Variants in TPST2 observed in about 807,000 individuals in gnomAD.
TPST2 encodes the protein protein-tyrosine sulfotransferase 2.
A neutral mutation model predicts 27.8 loss-of-function variants in TPST2; 16 were observed. That is an observed-to-expected ratio of 0.58 (90% CI 0.39 to 0.88). The LOEUF is 0.88. Among genes scored for constraint, TPST2 ranks in the 40% least tolerant of loss-of-function variants. The pLI is 0.00. For missense variants in TPST2, 464 were observed against 543.1 expected, an observed-to-expected ratio of 0.85 and a Z score of 1.45; for synonymous variants, 229 against 231.7, an observed-to-expected ratio of 0.99 and a Z score of 0.10.
chr22:26,560,870 A>T (rs1463738169), intron 1 of TPST2: 2 of 1,595,006 alleles, frequency 1.3e-6, no homozygotes, highest in African/African-American at 2.7e-5. Context: ...AAATCAAAGG[A>T]GAACATCCTG....
intron 1 of TPST2, among the ~76,000 whole-genome samples, chr22:26,581,330 T>C (rs1928103608): frequency 6.6e-6 from 1 of 152,128 alleles, no homozygotes; most frequent in Admixed American, 6.6e-5. Context: ...CCATGGAATG[T>C]GCAGGGCTGG....
intron 1 of TPST2, among the ~76,000 whole-genome samples, chr22:26,583,581 C>A (rs1001632784): frequency 6.6e-6 from 1 of 150,710 alleles, no homozygotes; most frequent in African/African-American, 2.4e-5. Flanking sequence ...TTGTGCCATG[C>A]GCGATGGCTC....
chr22:26,536,248 C>T (rs1185847712), intron 4 of TPST2, 40 bp downstream of exon 4: 2 of 1,610,602 alleles, frequency 1.2e-6, no homozygotes, highest in South Asian at 1.1e-5. Context: ...AGCCCCATAT[C>T]CCCAAGAGTA....
At chr22:26,561,214 T>A in intron 1 of TPST2, 1 of 1,526,920 alleles carries the variant, frequency 6.5e-7, no homozygotes, top group East Asian at 2.3e-5. Context: ...TTAACCCCCC[T>A]GTACACAACT....
intron 1 of TPST2, among the ~76,000 whole-genome samples, chr22:26,548,226 C>A (rs1283611643): frequency 6.6e-6 from 1 of 152,072 alleles, no homozygotes; most frequent in African/African-American, 2.4e-5. Context: ...CCTGTAATCC[C>A]AGCACTTTGG....
intron 1 of TPST2, among the ~76,000 whole-genome samples, chr22:26,557,205 G>A (rs974288262): frequency 1.3e-5 from 2 of 152,234 alleles, no homozygotes; most frequent in African/African-American, 4.8e-5. Flanking sequence ...CAGAGGCACT[G>A]TACACATGGC....
chr22:26,539,770 A>AAAAAAC (rs1358704019), intron 3 of TPST2, among the ~76,000 whole-genome samples: 2 of 151,372 alleles, frequency 1.3e-5, no homozygotes, highest in Non-Finnish European at 2.9e-5. Flanking sequence ...CCCTGTCTCA[A>AAAAAAC]AAAAACAAAA....
At chr22:26,566,327 C>T (rs915391424) in intron 1 of TPST2, among the ~76,000 whole-genome samples, 6 of 152,078 alleles carry the variant, frequency 3.9e-5, no homozygotes, top group African/African-American at 9.6e-5. Context: ...CCGAGGAAGG[C>T]GGATCACAAG....
intron 1 of TPST2, chr22:26,555,250 G>A (rs1232286343): frequency 5.6e-6 from 3 of 531,558 alleles, no homozygotes; most frequent in African/African-American, 1.9e-5. Flanking sequence ...CAAAAGTAAT[G>A]CAGTTTTTGC....
intron 3 of TPST2, among the ~76,000 whole-genome samples, chr22:26,539,016 G>A (rs373172343): frequency 2.0e-4 from 30 of 152,218 alleles, no homozygotes; most frequent in East Asian, 3.8e-4. Flanking sequence ...TTGTTTCTCC[G>A]TTCTTCTTTG....
rs757322412 is a variant in TPST2 at position 26,541,532 on chromosome 22, C to T, written c.99G>A (p.Ala33=). 3.9e-5 allele frequency: 63 copies of T among 1,611,714 alleles called. No individual in the cohort carries two copies. In the Admixed American group the frequency reaches 8.5e-4, roughly 22 times the overall value. ...QLGQQVLECR[A]VLAGLRSPRG... is the part of the protein sequence containing the mutation. ...GGGGGCTCCGCAGGCCCGCCAGCACCGCCCGGCACTCTAGCACCTGCTGTC... is the reference window on the plus strand; with the variant it reads ...GGGGGCTCCGCAGGCCCGCCAGCACTGCCCGGCACTCTAGCACCTGCTGTC... Residue 33 remains alanine, a synonymous_variant, in exon 3 of 7, where the codon GCG becomes GCA. Coordinates refer to ENST00000338754, the MANE Select transcript of TPST2 (RefSeq NM_003595.5). The surrounding 1 kb of genome is among the most constrained non-coding windows in gnomAD (Gnocchi z 5.9).
In TPST2 at chr22:26,577,842, A is replaced by C. The variant is rs185886419; in HGVS notation, c.-161+12211T>G. ...CCTGGCTAATTTTTGTATTTTTAGT[A>C]GAAATGGGGTTTCACCATGTTGGCC... is the stretch of plus-strand genomic sequence containing the variant. On this transcript the variant is annotated intron_variant, in intron 1 of 6. Transcript: ENST00000338754. Among the ~76,000 whole-genome samples the C allele has an allele frequency of 1.5e-3, 228 of 151,332 alleles. 1 individual carries two copies. The highest frequency in any genetic ancestry group is 5.3e-3 in the African/African-American group (219 of 41,200).
rs1470559895 is a variant in TPST2, at chr22:26,540,955, T to A, written c.676A>T (p.Met226Leu). 1 of 1,614,194 alleles carries A rather than the reference T, an allele frequency of 6.2e-7. No homozygotes were observed. Among genetic ancestry groups the A allele is most frequent in the East Asian group, 2.2e-5 (1 of 44,880 alleles). The change falls in exon 3 of 7, where the codon ATG becomes TTG. Residue 226 changes from methionine to leucine, a missense_variant. Transcript: ENST00000338754. ...AGGCACTTCTCCTTGCCTACCTCCA[T>A]GCACTGGGCGTACATCACCTCGATG... ...KAIEVMYAQC[M>L]EVGKEKCLPV...
intron 1 of TPST2, among the ~76,000 whole-genome samples, chr22:26,558,177 C>T (rs569447678): frequency 1.5e-3 from 218 of 147,180 alleles, no homozygotes; most frequent in Non-Finnish European, 2.4e-3. Flanking sequence ...ATATATATGT[C>T]GCCCAGGCTG....
intron 4 of TPST2, 49 bp downstream of exon 4, chr22:26,536,239 G>C (rs377318302): frequency 1.9e-6 from 3 of 1,599,656 alleles, no homozygotes; most frequent in Non-Finnish European, 1.7e-6. Context: ...ATCTGCAGAA[G>C]CCCCATATCC....
chr22:26,572,775 T>G (rs1179892179), intron 1 of TPST2, among the ~76,000 whole-genome samples: 3 of 151,986 alleles, frequency 2.0e-5, no homozygotes, highest in African/African-American at 7.3e-5. Flanking sequence ...GTCTGGTGGG[T>G]TTTTTTTCTT....
rs768845337 is a variant in TPST2 at position 26,541,632 on chromosome 22, C to T, written c.-2G>A. The T allele has an allele frequency of 1.1e-5, 17 of 1,564,844 alleles. No homozygotes were observed. The highest frequency in any genetic ancestry group is 1.4e-5 in the Non-Finnish European group (16 of 1,161,250). ...CACCCTCCGCACCGACAGGCGCATG[C>T]TGGGCCGGAGGCAGGGTAGGCCTGG... On this transcript the variant is annotated 5_prime_UTR_variant, in exon 3 of 7. Transcript: ENST00000338754. The surrounding 1 kb of genome is among the most constrained non-coding windows in gnomAD (Gnocchi z 5.9).
At chr22:26,526,870 G>A (rs1602245203) in intron 6 of TPST2, among the ~76,000 whole-genome samples, 1 of 152,274 alleles carries the variant, frequency 6.6e-6, no homozygotes, top group East Asian at 1.9e-4. Context: ...TTGAGGCCAG[G>A]AGTTTGAGAC....
chr22:26,585,017 C>T (rs975808641), intron 1 of TPST2, among the ~76,000 whole-genome samples: 4 of 152,192 alleles, frequency 2.6e-5, no homozygotes, highest in African/African-American at 9.7e-5. Context: ...AGTGCTTTAC[C>T]ACCATTCCCT....
Sources: gnomAD v4.1 joint callset for allele counts (sites outside exome capture counted in the v4.1 genomes callset) on GRCh38, gnomAD v4.1.1 for gene constraint, Gnocchi (gnomAD v3.1) non-coding constraint, MANE v1.5 for transcripts, NCBI Gene and HGNC (gene_info 2026-07-23, HGNC 2026-07-21) for gene names.